ARID1B: variants seen among roughly 807,000 people sequenced by gnomAD.
ARID1B encodes AT-rich interactive domain-containing protein 1B.
In ARID1B, 30 loss-of-function variants were observed where a neutral mutation model predicts 212.3. That is an observed-to-expected ratio of 0.14 (90% CI 0.11 to 0.19). The LOEUF (loss-of-function observed/expected upper bound fraction) is 0.19, where lower values mean the gene tolerates loss of function less well. ARID1B is among the 10% of genes least tolerant of loss of function. The pLI, the probability that ARID1B is intolerant of heterozygous loss-of-function variation, is 1.00. For synonymous variants in ARID1B, 1,402 were observed against 1,301.7 expected (o/e 1.08, Z -1.66); for missense variants, 2,891 against 3,204.0 (o/e 0.90, Z 2.36).
intron 4 of ARID1B, among the ~76,000 whole-genome samples, chr6:157,026,625 T>C (rs1179108477): frequency 6.6e-6 from 1 of 152,196 alleles, no homozygotes; most frequent in Non-Finnish European, 1.5e-5. Context: ...GACCTATTTC[T>C]TAGGTGAGTA....
At chr6:156,834,025 C>A (rs540629949) in intron 2 of ARID1B, among the ~76,000 whole-genome samples, 25 of 152,242 alleles carry the variant, frequency 1.6e-4, no homozygotes, top group Non-Finnish European at 2.5e-4. Context: ...CTAGGGTTTC[C>A]ACCTGTGTTA....
Position 157,190,633 on chromosome 6 carries a change from G to A in ARID1B, c.4231+423G>A, listed in dbSNP as rs1793292430. 6.6e-6 allele frequency among the ~76,000 whole-genome samples: 1 copy of A among 152,254 alleles called. No homozygotes were observed. The highest frequency in any genetic ancestry group is 2.4e-5 in the African/African-American group (1 of 41,464). On this transcript the variant is annotated intron_variant, in intron 15 of 19. Coordinates refer to ENST00000636930, the MANE Select transcript of ARID1B (RefSeq NM_001374828.1). This position sits in a 1 kb window ranked among gnomAD's most constrained non-coding sequence, Gnocchi z 4.6. ...ACTTCACGGCACTTGGCATGGTGGTGTGCTAGTGTGCGCTGGGCGCTAGCT... is the reference window on the plus strand; with the variant it reads ...ACTTCACGGCACTTGGCATGGTGGTATGCTAGTGTGCGCTGGGCGCTAGCT...
intron 4 of ARID1B, among the ~76,000 whole-genome samples, chr6:156,990,987 T>C (rs1778244028): frequency 6.6e-6 from 1 of 152,228 alleles, no homozygotes; most frequent in African/African-American, 2.4e-5. Context: ...CTAGGCACTT[T>C]TGCAAACATT....
Position 157,133,206 on chromosome 6 carries a change from A to G in ARID1B, c.2760A>G (p.Gln920=), listed in dbSNP as rs2128586038. The part of the protein sequence containing the change: ...YGPQMSQYGP[Q]GNYSRPPAYS... ...CACAGATGAGCCAGTATGGACCACAAGGTAAAACCAAAGCTTCTCCAAAAT... is the reference window on the plus strand; with the variant it reads ...CACAGATGAGCCAGTATGGACCACAGGGTAAAACCAAAGCTTCTCCAAAAT... Residue 920 remains glutamine, a splice_region_variant and synonymous_variant, in exon 7 of 20, where the codon CAA becomes CAG. Transcript: ENST00000636930. 1.3e-6 allele frequency: 2 copies of G among 1,588,116 alleles called. No individual in the cohort carries two copies. Among genetic ancestry groups the G allele is most frequent in the South Asian group, 1.2e-5 (1 of 86,186 alleles).
chr6:157,076,240 C>G (rs549922861), intron 4 of ARID1B, among the ~76,000 whole-genome samples: 1 of 152,124 alleles, frequency 6.6e-6, no homozygotes, highest in East Asian at 1.9e-4. Context: ...GTAAAACTTG[C>G]CTATTTTTCA....
intron 10 of ARID1B, 51 bp from the exon 11 acceptor site, chr6:157,174,796 A>G (rs772441457): frequency 2.1e-6 from 3 of 1,395,464 alleles, no homozygotes; most frequent in African/African-American, 1.5e-5. Context: ...TATTTTAAAT[A>G]AAGTTTGCCC....
At chr6:157,030,893 T>C (rs1370485682) in intron 4 of ARID1B, among the ~76,000 whole-genome samples, 1 of 152,208 alleles carries the variant, frequency 6.6e-6, no homozygotes, top group Admixed American at 6.5e-5. Context: ...GCCGCTGTAC[T>C]CAGCAGCACG....
intron 1 of ARID1B, among the ~76,000 whole-genome samples, chr6:156,808,360 A>ATTCT: frequency 6.6e-6 from 1 of 152,342 alleles, no homozygotes; most frequent in East Asian, 1.9e-4. Context: ...CTCAATAGGT[A>ATTCT]TTCTAGTCAA....
chr6:157,067,248 A>G (rs982933232), intron 4 of ARID1B, among the ~76,000 whole-genome samples: 6 of 152,242 alleles, frequency 3.9e-5, no homozygotes, highest in African/African-American at 9.6e-5. Context: ...AGTAGAAGTA[A>G]GGAGTGAACC....
intron 2 of ARID1B, among the ~76,000 whole-genome samples, chr6:156,840,117 G>C (rs1011974750): frequency 2.0e-5 from 3 of 152,082 alleles, no homozygotes; most frequent in Non-Finnish European, 4.4e-5. Flanking sequence ...CTCAATACCT[G>C]GTAGCTTCTT....
chr6:156,840,750 C>G (rs1783836300), intron 2 of ARID1B, among the ~76,000 whole-genome samples: 1 of 149,280 alleles, frequency 6.7e-6, no homozygotes, highest in Admixed American at 6.7e-5. Context: ...AGAGATTGTT[C>G]TAGCTGAGTG....
intron 1 of ARID1B, among the ~76,000 whole-genome samples, chr6:156,789,717 G>A (rs945204147): frequency 2.6e-5 from 4 of 152,178 alleles, no homozygotes; most frequent in African/African-American, 7.2e-5. Context: ...GCCAAAAGCT[G>A]GCAGGTTAGA....
chr6:156,830,756 T>A (rs1331208156), intron 2 of ARID1B, among the ~76,000 whole-genome samples: 1 of 146,240 alleles, frequency 6.8e-6, no homozygotes, highest in African/African-American at 2.5e-5. Flanking sequence ...ATCGAGACCC[T>A]AAAAAAAAAA....
At chr6:157,084,056 C>T (rs1784798378) in intron 4 of ARID1B, among the ~76,000 whole-genome samples, 2 of 151,780 alleles carry the variant, frequency 1.3e-5, no homozygotes, top group African/African-American at 4.8e-5. Flanking sequence ...ATCGCTTGAA[C>T]CCAGGATGCA....
intron 4 of ARID1B, among the ~76,000 whole-genome samples, chr6:157,008,194 A>C (rs1054272364): frequency 3.3e-5 from 5 of 152,090 alleles, no homozygotes; most frequent in Non-Finnish European, 7.4e-5. Flanking sequence ...AACGATTTTT[A>C]AGCACACATA....
At chr6:157,157,659 T>C (rs768434101) in intron 8 of ARID1B, among the ~76,000 whole-genome samples, 5 of 152,236 alleles carry the variant, frequency 3.3e-5, no homozygotes, top group Non-Finnish European at 7.3e-5. Context: ...CTCACTAAGA[T>C]GCTAAGATTC....
chr6:156,967,983 C>T (rs12661846), intron 4 of ARID1B, among the ~76,000 whole-genome samples: 44,223 of 151,880 alleles, frequency 0.29, 6,639 homozygotes, highest in Non-Finnish European at 0.32. Flanking sequence ...AATTTGTTTC[C>T]TGTTCATTCA....
chr6:157,198,594 A>G, intron 16 of ARID1B: 1 of 532,180 alleles, frequency 1.9e-6, no homozygotes, highest in Non-Finnish European at 3.4e-6. Context: ...AACAGCCCAA[A>G]CTAGGAGCTT....
At chr6:156,826,298 A>G (rs1214587536) in intron 1 of ARID1B, among the ~76,000 whole-genome samples, 1 of 152,332 alleles carries the variant, frequency 6.6e-6, no homozygotes. Context: ...TATTTCCTAT[A>G]GGAAGCCTTT....
Sources: allele counts gnomAD v4.1 joint callset (sites outside exome capture counted in the v4.1 genomes callset), GRCh38; gene constraint gnomAD v4.1.1; non-coding constraint Gnocchi (gnomAD v3.1); transcripts MANE v1.5; gene names NCBI Gene and HGNC (gene_info 2026-07-23, HGNC 2026-07-21).